The following POU6F2 variants were observed in gnomAD, a reference collection of about 807,000 sequenced individuals.
The protein encoded by POU6F2 is POU domain, class 6, transcription factor 2.
Under a neutral mutation model 71.3 loss-of-function variants are expected in POU6F2, and 31 were observed. The ratio of observed to expected loss-of-function variants is 0.43; its 90% CI spans 0.33 to 0.59. The LOEUF is 0.59. POU6F2 is among the 20% of genes least tolerant of loss of function. POU6F2 has a pLI of 0.04. For synonymous variants in POU6F2, 347 were observed against 355.7 expected (o/e 0.98, Z 0.27); for missense variants, 783 against 856.8 (o/e 0.91, Z 1.07).
At chr7:39,014,636 T>C (rs189438746) in intron 1 of POU6F2, among the ~76,000 whole-genome samples, 135 of 152,328 alleles carry the variant, frequency 8.9e-4, no homozygotes, top group Non-Finnish European at 1.6e-3. Flanking sequence ...TTTTCATTCT[T>C]TGTCAATTTA....
At chr7:39,034,542 G>T (rs1237076181) in intron 1 of POU6F2, 6 of 398,838 alleles carry the variant, frequency 1.5e-5, no homozygotes, top group Admixed American at 7.4e-5. Flanking sequence ...GTCGGGGTCA[G>T]ATTGGGTTCG....
At chr7:39,124,468 A>C (rs1792106444) in intron 2 of POU6F2, among the ~76,000 whole-genome samples, 1 of 152,342 alleles carries the variant, frequency 6.6e-6, no homozygotes, top group South Asian at 2.1e-4. Context: ...AATAAGAATA[A>C]CTTCCCAGAC....
chr7:39,419,029 G>A (rs907383811), intron 6 of POU6F2, among the ~76,000 whole-genome samples: 3 of 142,470 alleles, frequency 2.1e-5, no homozygotes, highest in Non-Finnish European at 4.6e-5. Context: ...ATATATGTGT[G>A]TATATATACA....
intron 1 of POU6F2, among the ~76,000 whole-genome samples, chr7:39,079,110 T>C (rs1056595051): frequency 6.6e-6 from 1 of 150,526 alleles, no homozygotes; most frequent in Non-Finnish European, 1.5e-5. Context: ...ATTTGTGTAA[T>C]ACTTTTATAT....
chr7:39,201,344 G>A (rs1245815580), intron 2 of POU6F2, among the ~76,000 whole-genome samples: 2 of 152,092 alleles, frequency 1.3e-5, no homozygotes, highest in Non-Finnish European at 2.9e-5. Context: ...TATCTAAATT[G>A]GAATCGAGGT....
At chr7:39,309,251 C>T (rs1401302770) in intron 4 of POU6F2, among the ~76,000 whole-genome samples, 1 of 152,220 alleles carries the variant, frequency 6.6e-6, no homozygotes, top group East Asian at 1.9e-4. Flanking sequence ...AACGCCGGAG[C>T]CTCCACAAGG....
At chr7:39,273,015 G>A (rs917974853) in intron 4 of POU6F2, among the ~76,000 whole-genome samples, 1 of 152,168 alleles carries the variant, frequency 6.6e-6, no homozygotes, top group Admixed American at 6.5e-5. Flanking sequence ...ATGGGAGAAA[G>A]TATGAGAATA....
intron 4 of POU6F2, among the ~76,000 whole-genome samples, chr7:39,332,853 T>G (rs543972267): frequency 6.6e-6 from 1 of 152,298 alleles, no homozygotes; most frequent in African/African-American, 2.4e-5. Context: ...AATGGAGAGC[T>G]CAGTGTTTTG....
At chr7:39,164,096 G>T (rs7805537) in intron 2 of POU6F2, among the ~76,000 whole-genome samples, 2 of 151,858 alleles carry the variant, frequency 1.3e-5, no homozygotes, top group Admixed American at 1.3e-4. Context: ...ATTTTTAAGA[G>T]CTCTTACCAC....
intron 2 of POU6F2, among the ~76,000 whole-genome samples, chr7:39,195,009 G>A (rs995590810): frequency 6.6e-6 from 1 of 152,142 alleles, no homozygotes; most frequent in Non-Finnish European, 1.5e-5. Context: ...CACTCACCAC[G>A]AGGGTCCGCG....
intron 1 of POU6F2, among the ~76,000 whole-genome samples, chr7:39,085,280 G>T (rs774029987): frequency 2.0e-5 from 3 of 152,134 alleles, no homozygotes; most frequent in South Asian, 2.1e-4. Flanking sequence ...GGTGCTTATA[G>T]AATTTACATA....
At chr7:39,255,048 T>A (rs1783994785) in intron 4 of POU6F2, among the ~76,000 whole-genome samples, 1 of 152,230 alleles carries the variant, frequency 6.6e-6, no homozygotes, top group African/African-American at 2.4e-5. Flanking sequence ...CTTTTATATA[T>A]ATCCTTTATA....
intron 2 of POU6F2, among the ~76,000 whole-genome samples, chr7:39,170,690 TTAA>T (rs1474084327): frequency 3.9e-5 from 6 of 152,066 alleles, no homozygotes; most frequent in African/African-American, 9.7e-5. Flanking sequence ...TAAATTATAG[TTAA>T]TAATAATTTA....
chr7:39,430,995 AG>A (rs1461137950), intron 6 of POU6F2, among the ~76,000 whole-genome samples: 1 of 152,226 alleles, frequency 6.6e-6, no homozygotes, highest in East Asian at 1.9e-4. Flanking sequence ...GTGGGGTCAC[AG>A]GAGCCAGCCT....
chr7:39,205,156 A>T (rs1231402509), intron 3 of POU6F2, among the ~76,000 whole-genome samples: 1 of 151,782 alleles, frequency 6.6e-6, no homozygotes. Context: ...ATCTCGGAGG[A>T]CAGATCACTC....
intron 4 of POU6F2, among the ~76,000 whole-genome samples, chr7:39,285,486 TCCCTTTTGTGAATATAG>T (rs1410299703): frequency 6.6e-6 from 1 of 152,184 alleles, no homozygotes; most frequent in African/African-American, 2.4e-5. Context: ...GTTCAAGAAT[TCCCTTTTGTGAATATAG>T]GGAAAGTTGC....
intron 8 of POU6F2, among the ~76,000 whole-genome samples, chr7:39,457,282 CCTT>C (rs1170650053): frequency 1.3e-5 from 2 of 152,166 alleles, no homozygotes; most frequent in Non-Finnish European, 2.9e-5. Context: ...CCATGGAAAC[CCTT>C]CCAGATTAAA....
intron 4 of POU6F2, among the ~76,000 whole-genome samples, chr7:39,317,265 G>A (rs964668209): frequency 6.6e-6 from 1 of 152,294 alleles, no homozygotes; most frequent in African/African-American, 2.4e-5. Context: ...AGTCAGCTAA[G>A]CCTGCACAGA....
At chr7:39,194,685 C>T (rs1055334290) in intron 2 of POU6F2, among the ~76,000 whole-genome samples, 6 of 152,228 alleles carry the variant, frequency 3.9e-5, no homozygotes, top group Non-Finnish European at 8.8e-5. Flanking sequence ...CGGTCCCCTT[C>T]TACGCTGTGG....
Sources: allele counts gnomAD v4.1 joint callset (sites outside exome capture counted in the v4.1 genomes callset), GRCh38; gene constraint gnomAD v4.1.1; transcripts MANE v1.5; gene names NCBI Gene and HGNC (gene_info 2026-07-23, HGNC 2026-07-21).